WDFY4: variants seen among roughly 807,000 people sequenced by gnomAD.
WDFY4 encodes the protein WDFY family member 4, also known as WD repeat- and FYVE domain-containing protein 4.
Under a neutral mutation model 351.9 loss-of-function variants are expected in WDFY4, and 169 were observed. The ratio of observed to expected loss-of-function variants is 0.48; its 90% CI spans 0.42 to 0.55. WDFY4 has a LOEUF of 0.55. Among genes scored for constraint, WDFY4 ranks in the 20% least tolerant of loss-of-function variants. The pLI is 0.00. For missense variants in WDFY4, 3,803 were observed against 3,935.6 expected (o/e 0.97, Z 0.90); for synonymous variants, 1,622 against 1,574.6 (o/e 1.03, Z -0.71).
chr10:48,868,719 G>A (rs2069646831), intron 40 of WDFY4, among the ~76,000 whole-genome samples: 1 of 152,226 alleles, frequency 6.6e-6, no homozygotes, highest in African/African-American at 2.4e-5. Context: ...TGAGATGGAG[G>A]ATGTGGTTTA....
intron 13 of WDFY4, among the ~76,000 whole-genome samples, chr10:48,771,024 G>A (rs1484887635): frequency 6.6e-6 from 1 of 152,180 alleles, no homozygotes. Flanking sequence ...AACCAGAAAA[G>A]TTATTGAAGA....
intron 47 of WDFY4, among the ~76,000 whole-genome samples, chr10:48,903,017 G>T (rs1016061642): frequency 6.6e-6 from 1 of 152,126 alleles, no homozygotes; most frequent in Non-Finnish European, 1.5e-5. Context: ...GGCTGAGGTG[G>T]GAGAATCGCT....
chr10:48,786,929 A>G lies in WDFY4; in HGVS notation c.3808+59A>G, dbSNP rs2066423342. 7.7e-6 allele frequency: 11 copies of G among 1,435,190 alleles called. No homozygotes were observed. The East Asian group carries it at 2.5e-4, about 32-fold the overall frequency. The allele number at this position is 1,435,190 out of a possible 1,614,324, so 88.9% of individuals were successfully genotyped here. A position where few individuals can be genotyped will look rare whatever the true frequency, so the allele number is the denominator to read the frequency against. On this transcript the variant is annotated intron_variant, in intron 20 of 61. Coordinates refer to ENST00000325239, the MANE Select transcript of WDFY4 (RefSeq NM_001394531.1). ...GATATTAGTTTTTAAATGGACATCC[A>G]GTTATTTGTAGCAGATTTGCAGAGA...
chr10:48,723,381 A>T, intron 4 of WDFY4, 52 bp from the exon 5 acceptor site: 1 of 1,539,518 alleles, frequency 6.5e-7, no homozygotes, highest in Non-Finnish European at 8.7e-7. Context: ...GTCTGGGCTG[A>T]CCTGCTTCTG....
chr10:48,883,406 G>GTC (rs1377938271), intron 43 of WDFY4, among the ~76,000 whole-genome samples: 1 of 152,124 alleles, frequency 6.6e-6, no homozygotes, highest in Non-Finnish European at 1.5e-5. Flanking sequence ...GTGTGTGTGT[G>GTC]TGTTACTCTC....
chr10:48,769,723 C>T (rs1187371367), intron 13 of WDFY4, among the ~76,000 whole-genome samples: 2 of 152,162 alleles, frequency 1.3e-5, no homozygotes, highest in Admixed American at 6.5e-5. Context: ...ACCCAGCGCT[C>T]GCTGGGCTTT....
chr10:48,939,309 A>G (rs890390815), intron 47 of WDFY4, among the ~76,000 whole-genome samples: 2 of 152,212 alleles, frequency 1.3e-5, no homozygotes, highest in African/African-American at 2.4e-5. Flanking sequence ...TGCCCACACC[A>G]ATGCTAGCCT....
At chr10:48,791,463 G>C (rs183637183) in intron 23 of WDFY4, among the ~76,000 whole-genome samples, 268 of 152,330 alleles carry the variant, frequency 1.8e-3, no homozygotes, top group Non-Finnish European at 2.5e-3. Flanking sequence ...TTGTGCGTCA[G>C]TTCCCTCATG....
chr10:48,779,752 G>A (rs10857637), intron 18 of WDFY4, among the ~76,000 whole-genome samples, 189 bp from the exon 19 acceptor site: 15,799 of 152,208 alleles, frequency 0.1, 1,350 homozygotes, highest in African/African-American at 0.23. Context: ...GCTTAAAACT[G>A]GCACAAAGGA....
At chr10:48,814,712 C>G (rs1377738013) in intron 31 of WDFY4, among the ~76,000 whole-genome samples, 1 of 152,202 alleles carries the variant, frequency 6.6e-6, no homozygotes, top group Non-Finnish European at 1.5e-5. Context: ...TATGGGGAAA[C>G]TTACTGCTTT....
At position 48,981,423 on chromosome 10, in the gene WDFY4, T is replaced by C; in HGVS notation, c.9433T>C (p.Leu3145=). Reference sequence around the variant, plus strand: ...TCGAGAGCTGGACGTTAGCATTGCTTTGACAGGGAAGCCCAGCAAAACCAG... The same window carrying C: ...TCGAGAGCTGGACGTTAGCATTGCTCTGACAGGGAAGCCCAGCAAAACCAG... ...LSRELDVSIA[L]TGKPSKTSPA... Residue 3145 remains leucine, a synonymous_variant, in exon 61 of 62, where the codon TTG becomes CTG. Transcript: ENST00000325239. 6.4e-7 allele frequency: 1 copy of C among 1,551,758 alleles called. No individual in the cohort carries two copies. Among genetic ancestry groups the C allele is most frequent in the Non-Finnish European group, 8.7e-7 (1 of 1,147,006 alleles).
chr10:48,951,176 C>T (rs1008055154), intron 51 of WDFY4, among the ~76,000 whole-genome samples: 7 of 152,192 alleles, frequency 4.6e-5, no homozygotes, highest in Admixed American at 2.0e-4. Flanking sequence ...TATATCCTTG[C>T]TGTGTTTGTT....
chr10:48,946,424 C>T (rs927782880), intron 50 of WDFY4, among the ~76,000 whole-genome samples: 4 of 152,232 alleles, frequency 2.6e-5, no homozygotes, highest in African/African-American at 9.6e-5. Flanking sequence ...AAATATAATG[C>T]TAAGAGGTAA....
chr10:48,690,127 T>C (rs1332246669), intron 1 of WDFY4, among the ~76,000 whole-genome samples: 1 of 152,216 alleles, frequency 6.6e-6, no homozygotes, highest in East Asian at 1.9e-4. Flanking sequence ...TGAGAATTCA[T>C]AGGAAACAAA....
At chr10:48,941,320 A>T (rs377569214) in intron 47 of WDFY4, among the ~76,000 whole-genome samples, 2 of 152,382 alleles carry the variant, frequency 1.3e-5, no homozygotes, top group East Asian at 3.9e-4. Context: ...ATAGGCAGGC[A>T]TATGGGTAAA....
intron 19 of WDFY4, among the ~76,000 whole-genome samples, chr10:48,785,043 G>A (rs2066358889): frequency 6.7e-6 from 1 of 149,892 alleles, no homozygotes; most frequent in African/African-American, 2.5e-5. Flanking sequence ...GTGTTTTTTA[G>A]TAGAGACAGG....
chr10:48,858,860 G>C (rs1225813566), intron 39 of WDFY4, among the ~76,000 whole-genome samples: 7 of 152,158 alleles, frequency 4.6e-5, no homozygotes, highest in African/African-American at 1.7e-4. Flanking sequence ...CTTTTATTCA[G>C]ATCATCTTTT....
At position 48,914,342 on chromosome 10, in the gene WDFY4, C is replaced by T. The variant is rs79584327; in HGVS notation, c.7586+12479C>T. On this transcript the variant is annotated intron_variant, in intron 47 of 61. Coordinates refer to ENST00000325239, the MANE Select transcript of WDFY4 (RefSeq NM_001394531.1). ...GTTTAAAAAGCAAGAAAGAGGATTG[C>T]GGAGAGAAGTCAGGGCAAAGTGGAC... The T allele has an allele frequency of 5.0e-3, 3,247 of 650,960 alleles. 63 individuals are homozygous for T. Among genetic ancestry groups the T allele is most frequent in the African/African-American group, 0.032 (1,751 of 55,216 alleles). The allele number at this position is 650,960 out of a possible 1,614,324, so 40.3% of individuals were successfully genotyped here. A position where few individuals can be genotyped will look rare whatever the true frequency, so the allele number is the denominator to read the frequency against.
chr10:48,713,933 CTT>C (rs921998365), intron 2 of WDFY4, among the ~76,000 whole-genome samples: 2 of 152,222 alleles, frequency 1.3e-5, no homozygotes. Flanking sequence ...AGAGCCAAGA[CTT>C]AAACTCAGGC....
Sources: gnomAD v4.1 joint callset for allele counts (sites outside exome capture counted in the v4.1 genomes callset) on GRCh38, gnomAD v4.1.1 for gene constraint, MANE v1.5 for transcripts, NCBI Gene and HGNC (gene_info 2026-07-23, HGNC 2026-07-21) for gene names.